Variants in OXNAD1 observed in about 807,000 individuals in gnomAD.
OXNAD1 encodes oxidoreductase NAD binding domain containing 1.
Under a neutral mutation model 32.9 loss-of-function variants are expected in OXNAD1, and 34 were observed. The ratio of observed to expected loss-of-function variants is 1.03; its 90% CI spans 0.79 to 1.38. The LOEUF is 1.38. Among genes scored for constraint, OXNAD1 ranks in the 40% most tolerant of loss-of-function variants. The pLI is 0.00. For missense variants in OXNAD1, 407 were observed against 379.4 expected (o/e 1.07, Z -0.60); for synonymous variants, 134 against 135.2 (o/e 0.99, Z 0.06).
intron 9 of OXNAD1, chr3:16,323,310 G>C (rs773711908): frequency 4.8e-5 from 59 of 1,233,100 alleles, no homozygotes; most frequent in Non-Finnish European, 6.2e-5. Flanking sequence ...CTCAAATGCT[G>C]CAGAAAATCC....
At chr3:16,341,817 TAC>T (rs1388997109), downstream of OXNAD1, among the ~76,000 whole-genome samples, 2 of 152,190 alleles carry the variant, frequency 1.3e-5, no homozygotes, top group Non-Finnish European at 2.9e-5. This position sits in a 1 kb window ranked among gnomAD's most constrained non-coding sequence, Gnocchi z 4.7. Flanking sequence ...ATTTTCAGCA[TAC>T]AGTTACATAC....
rs1399494006 is a variant in OXNAD1, at chr3:16,302,948, A to G, written c.784+200A>G. Among the ~76,000 whole-genome samples the G allele has an allele frequency of 2.0e-5, 3 of 152,218 alleles. No individual in the cohort carries two copies. The highest frequency in any genetic ancestry group is 2.9e-5 in the Non-Finnish European group (2 of 68,038). On this transcript the variant is annotated intron_variant, in intron 8 of 8. Transcript: ENST00000285083. The surrounding 1 kb of genome is among the most constrained non-coding windows in gnomAD (Gnocchi z 4.2). ...TACAGGTTTCCTATTGCCTGTGTTA[A>G]AAGTGTACTTTTCACACTTTTTAAG...
At chr3:16,306,656 C>G (rs142661075), downstream of OXNAD1, among the ~76,000 whole-genome samples, 479 of 152,330 alleles carry the variant, frequency 3.1e-3, 1 homozygote, top group African/African-American at 0.01. Context: ...GTTCTGTAGG[C>G]TTTCCCACAT....
At chr3:16,275,694 G>A (rs2065271232) in intron 4 of OXNAD1, 1 of 176,702 alleles carries the variant, frequency 5.7e-6, no homozygotes, top group African/African-American at 2.4e-5. Context: ...TTAACTACGG[G>A]TTTAGAAAAA....
chr3:16,310,397 T>C (rs2067885444), downstream of OXNAD1, among the ~76,000 whole-genome samples: 1 of 152,218 alleles, frequency 6.6e-6, no homozygotes, highest in African/African-American at 2.4e-5. Context: ...ATGCTCACCC[T>C]AATAAGTGAA....
Position 16,336,117 on chromosome 3 carries a change from CT to C in OXNAD1, c.*31-993del, listed in dbSNP as rs989382737. On this transcript the variant is annotated intron_variant, in intron 9 of 9. Coordinates refer to the OXNAD1 transcript ENST00000435829. This position sits in a 1 kb window ranked among gnomAD's most constrained non-coding sequence, Gnocchi z 6.0. ...AATGCCAAGACAGAAAGAAGGGCCACTTCACCTCTACCTCTCCCTAGCAAGT... is the reference window on the plus strand; with the variant it reads ...AATGCCAAGACAGAAAGAAGGGCCACTCACCTCTACCTCTCCCTAGCAAGT... Among the ~76,000 whole-genome samples the C allele has an allele frequency of 6.6e-6, 1 of 152,220 alleles. No individual in the cohort carries two copies. Among genetic ancestry groups the C allele is most frequent in the African/African-American group, 2.4e-5 (1 of 41,460 alleles).
intron 9 of OXNAD1, among the ~76,000 whole-genome samples, chr3:16,333,532 GA>G (rs1187424299): frequency 6.6e-6 from 1 of 152,162 alleles, no homozygotes. Context: ...AAAAGAAATA[GA>G]TGCCTGTGTC....
chr3:16,294,850 T>G lies in OXNAD1; in HGVS notation c.291-6T>G, dbSNP rs746156947. The G allele has an allele frequency of 6.2e-7, 1 of 1,605,046 alleles. No homozygotes were observed. Among genetic ancestry groups the G allele is most frequent in the Non-Finnish European group, 8.5e-7 (1 of 1,176,838 alleles). On this transcript the variant is annotated splice_polypyrimidine_tract_variant and splice_region_variant and intron_variant, in intron 5 of 8. Transcript: ENST00000285083. ...ACAATAATCATTTATTTGGCTTTCT[T>G]TTTAGGGTTGATTTCTTTATTCCAG... is the stretch of plus-strand genomic sequence containing the variant.
intron 4 of OXNAD1, among the ~76,000 whole-genome samples, chr3:16,273,736 G>A (rs1195491123): frequency 6.6e-6 from 1 of 152,026 alleles, no homozygotes; most frequent in Non-Finnish European, 1.5e-5. Context: ...GGACTAATAG[G>A]AACTTGCACA....
downstream of OXNAD1, among the ~76,000 whole-genome samples, chr3:16,308,378 T>C (rs1314746305): frequency 2.6e-5 from 4 of 152,096 alleles, no homozygotes; most frequent in Non-Finnish European, 2.9e-5. The surrounding 1 kb of genome is among the most constrained non-coding windows in gnomAD (Gnocchi z 4.4). Flanking sequence ...AGGATTGTTA[T>C]ATGGGACTCA....
chr3:16,267,613 G>A (rs2064624168), intron 1 of OXNAD1, among the ~76,000 whole-genome samples: 1 of 152,124 alleles, frequency 6.6e-6, no homozygotes, highest in African/African-American at 2.4e-5. Context: ...TCTCAGCCAA[G>A]GTGTCATCAC....
At chr3:16,266,888 A>G (rs1559714133) in intron 1 of OXNAD1, among the ~76,000 whole-genome samples, 1 of 152,194 alleles carries the variant, frequency 6.6e-6, no homozygotes. Context: ...GACTTGCTGA[A>G]GATTAGAAAG....
intron 4 of OXNAD1, chr3:16,272,090 C>CTTTT: frequency 1.6e-5 from 6 of 373,406 alleles, no homozygotes; most frequent in South Asian, 3.9e-5. Context: ...TGTGTGGGGT[C>CTTTT]TTTTTTTTTT....
intron 9 of OXNAD1, among the ~76,000 whole-genome samples, chr3:16,311,339 G>A (rs1447337814): frequency 6.6e-6 from 1 of 151,850 alleles, no homozygotes; most frequent in African/African-American, 2.4e-5. Context: ...GGGATTACAG[G>A]CACATGCCAC....
intron 5 of OXNAD1, 31 bp downstream of exon 5, chr3:16,286,479 A>T (rs755281362): frequency 6.4e-7 from 1 of 1,559,180 alleles, no homozygotes; most frequent in South Asian, 1.1e-5. Flanking sequence ...CCATGTATGT[A>T]TGTTCAAGAA....
rs2125007914 is a variant in OXNAD1 at position 16,277,570 on chromosome 3, T to C, written c.183+5848T>C. Among the ~76,000 whole-genome samples, 1 of 152,310 alleles carries C rather than the reference T, an allele frequency of 6.6e-6. No individual in the cohort carries two copies. The highest frequency in any genetic ancestry group is 2.4e-5 in the African/African-American group (1 of 41,564). On this transcript the variant is annotated intron_variant, in intron 4 of 8. Transcript: ENST00000285083. This position sits in a 1 kb window ranked among gnomAD's most constrained non-coding sequence, Gnocchi z 4.3. ...GAGGTAGCCTAAGGATACGATGCCA[T>C]CTGGATTTTACAAAGAGGAAGCAGG... is the stretch of plus-strand genomic sequence containing the variant.
rs1370188672 is a variant in OXNAD1 at position 16,298,304 on chromosome 3, C to G, written c.432+3307C>G. On this transcript the variant is annotated intron_variant, in intron 6 of 8. Transcript: ENST00000285083. This position sits in a 1 kb window ranked among gnomAD's most constrained non-coding sequence, Gnocchi z 5.1. ...TCAGAGTTGAAATAAGCATAGCCAT[C>G]CCAGTTCCTAGTGCCATGAACATCT... Among the ~76,000 whole-genome samples, 3 of 152,108 alleles carry G rather than the reference C, an allele frequency of 2.0e-5. No individual in the cohort carries two copies. Among genetic ancestry groups the G allele is most frequent in the Non-Finnish European group, 4.4e-5 (3 of 68,032 alleles).
In OXNAD1 at chr3:16,314,125, C is replaced by T. The variant is rs1207066507; in HGVS notation, c.*30+10533C>T. ...GGACTCCCCTGCAAACCCACTGTGACAGCTGCAGCCTCACAGACTTAACTG... is the reference window on the plus strand; with the variant it reads ...GGACTCCCCTGCAAACCCACTGTGATAGCTGCAGCCTCACAGACTTAACTG... On this transcript the variant is annotated intron_variant, in intron 9 of 9. Coordinates refer to the OXNAD1 transcript ENST00000435829. This position sits in a 1 kb window ranked among gnomAD's most constrained non-coding sequence, Gnocchi z 4.4. Among the ~76,000 whole-genome samples the T allele has an allele frequency of 6.6e-6, 1 of 152,024 alleles. No homozygotes were observed. The highest frequency in any genetic ancestry group is 1.5e-5 in the Non-Finnish European group (1 of 67,976).
chr3:16,300,030 C>T (rs1305348173), intron 6 of OXNAD1, among the ~76,000 whole-genome samples: 1 of 152,122 alleles, frequency 6.6e-6, no homozygotes, highest in Non-Finnish European at 1.5e-5. Context: ...AGATGAGGCT[C>T]AGAATTTAAG....
Sources: gnomAD v4.1 joint callset for allele counts (sites outside exome capture counted in the v4.1 genomes callset) on GRCh38, gnomAD v4.1.1 for gene constraint, Gnocchi (gnomAD v3.1) non-coding constraint, MANE v1.5 for transcripts, NCBI Gene and HGNC (gene_info 2026-07-23, HGNC 2026-07-21) for gene names.